TRAF1: variants seen among roughly 807,000 people sequenced by gnomAD.
TRAF1 encodes TNF receptor-associated factor 1.
A neutral mutation model predicts 40.9 loss-of-function variants in TRAF1; 23 were observed. The ratio of observed to expected loss-of-function variants is 0.56; its 90% confidence interval spans 0.40 to 0.80. TRAF1 has a LOEUF of 0.80. TRAF1 is among the 30% of genes least tolerant of loss of function. The probability of loss-of-function intolerance (pLI) is 0.00; values close to 1 mark genes in which losing one functional copy is unlikely to be tolerated. For synonymous variants in TRAF1, 206 were observed against 218.8 expected, an observed-to-expected ratio of 0.94 and a Z score of 0.52; for missense variants, 477 against 528.7, an observed-to-expected ratio of 0.90 and a Z score of 0.96.
At chr9:120,914,511 G>A (rs889473236) in intron 3 of TRAF1, 4 of 1,195,276 alleles carry the variant, frequency 3.3e-6, no homozygotes, top group Admixed American at 8.8e-5. Flanking sequence ...CCCTTACTGT[G>A]ATCCTGGGCA....
chr9:120,924,777 A>T (rs2046627927), intron 2 of TRAF1, among the ~76,000 whole-genome samples: 1 of 152,190 alleles, frequency 6.6e-6, no homozygotes, highest in Non-Finnish European at 1.5e-5. Flanking sequence ...GAGATAGTCT[A>T]TTTTACAAGT....
chr9:120,924,231 G>A (rs546077631), intron 2 of TRAF1, among the ~76,000 whole-genome samples: 24 of 152,186 alleles, frequency 1.6e-4, no homozygotes, highest in South Asian at 6.2e-4. Flanking sequence ...GACTATATTT[G>A]CTCTTCTCAT....
chr9:120,925,307 G>A lies in TRAF1; in HGVS notation c.140+629C>T, dbSNP rs117466835. Among the ~76,000 whole-genome samples, 224 of 152,336 alleles carry A rather than the reference G, an allele frequency of 1.5e-3. 6 individuals carry two copies. The East Asian group carries it at 0.034, about 23-fold the overall frequency. On this transcript the variant is annotated intron_variant, in intron 2 of 7. Transcript: ENST00000373887. ...TCTAAGTTGTGCTGAGGACCCAAGG[G>A]CAGAGCATTTGGCACACAGTAGGTG...
intron 3 of TRAF1, among the ~76,000 whole-genome samples, chr9:120,916,771 C>G (rs1471862248): frequency 1.3e-5 from 2 of 149,322 alleles, no homozygotes; most frequent in African/African-American, 2.5e-5. Context: ...GGAAGGCAGG[C>G]AGAGGGCGGC....
At chr9:120,921,168 C>G (rs775451258) in intron 3 of TRAF1, among the ~76,000 whole-genome samples, 11 of 152,124 alleles carry the variant, frequency 7.2e-5, no homozygotes, top group Non-Finnish European at 1.6e-4. Flanking sequence ...AGGCAGCTTC[C>G]TCTCCCATCC....
At chr9:120,905,886 C>T (rs1466085276) in intron 7 of TRAF1, among the ~76,000 whole-genome samples, 2 of 152,222 alleles carry the variant, frequency 1.3e-5, no homozygotes, top group African/African-American at 4.8e-5. Flanking sequence ...CCTCACCCTG[C>T]ACATTAGGAC....
intron 2 of TRAF1, 132 bp downstream of exon 2, chr9:120,925,804 G>A: frequency 7.7e-7 from 1 of 1,291,812 alleles, no homozygotes; most frequent in East Asian, 2.4e-5. Flanking sequence ...GTGAGAAAAG[G>A]GTGTGGAAAC....
At chr9:120,921,990 C>T (rs576753096) in intron 3 of TRAF1, among the ~76,000 whole-genome samples, 2 of 152,288 alleles carry the variant, frequency 1.3e-5, no homozygotes, top group Non-Finnish European at 2.9e-5. Flanking sequence ...GATACAGAAA[C>T]AGGGCCTGGG....
At chr9:120,914,603 G>T (rs1042047836) in intron 3 of TRAF1, 1 of 1,053,694 alleles carries the variant, frequency 9.5e-7, no homozygotes, top group Non-Finnish European at 1.1e-6. Flanking sequence ...GACTGGTCGG[G>T]GGGGCTCTGT....
At chr9:120,921,461 G>T (rs191655265) in intron 3 of TRAF1, among the ~76,000 whole-genome samples, 2 of 152,238 alleles carry the variant, frequency 1.3e-5, no homozygotes, top group Non-Finnish European at 2.9e-5. Flanking sequence ...CAATAAATGT[G>T]TATTAATTTT....
chr9:120,928,593 C>A (rs2046655551), upstream of TRAF1: 2 of 152,454 alleles, frequency 1.3e-5, no homozygotes, highest in Non-Finnish European at 1.5e-5. Context: ...CCTCCATCGG[C>A]TCCATCCACG....
In TRAF1 at chr9:120,926,101, G is replaced by T; in HGVS notation, c.-26C>A. On this transcript the variant is annotated 5_prime_UTR_variant, in exon 2 of 8. Coordinates refer to ENST00000373887, the MANE Select transcript of TRAF1 (RefSeq NM_005658.5). Reference sequence around the variant, plus strand: ...CTCAGGGTTCCAGGCTGGCCAGAGGGCCTGTTTAAGTTGCTCCAGGGCAGG... The same window carrying T: ...CTCAGGGTTCCAGGCTGGCCAGAGGTCCTGTTTAAGTTGCTCCAGGGCAGG... 6.5e-7 allele frequency: 1 copy of T among 1,535,868 alleles called. No individual in the cohort carries two copies. The highest frequency in any genetic ancestry group is 8.7e-7 in the Non-Finnish European group (1 of 1,143,880).
rs189335345 is a variant in TRAF1, at chr9:120,912,120, A to G, written c.706-607T>C. On this transcript the variant is annotated intron_variant, in intron 5 of 7. Transcript: ENST00000373887. ...GGTAGGGAAGCCATGAATGGAAGTG[A>G]GCATCCTTAAAGAAAATTTAATCGT... Among the ~76,000 whole-genome samples the G allele has an allele frequency of 2.4e-3, 360 of 152,316 alleles. 3 individuals are homozygous for G. The highest frequency in any genetic ancestry group is 7.5e-3 in the African/African-American group (313 of 41,558).
chr9:120,926,320 A>AT lies in TRAF1; in HGVS notation c.-226-20dup, dbSNP rs56675791. ...CTGAAGGCTTTAGGAGTGTCCAGTCATTTTTTTTTTTTTTTAGAGTGAGAA... is the reference window on the plus strand; with the variant it reads ...CTGAAGGCTTTAGGAGTGTCCAGTCATTTTTTTTTTTTTTTTAGAGTGAGAA... On this transcript the variant is annotated intron_variant, in intron 1 of 7. Coordinates refer to ENST00000373887, the MANE Select transcript of TRAF1 (RefSeq NM_005658.5). 0.047 allele frequency: 13,653 copies of AT among 291,168 alleles called. 74 individuals are homozygous for AT. Among genetic ancestry groups the AT allele is most frequent in the Middle Eastern group, 0.07 (76 of 1,080 alleles). The allele number at this position is 291,168 out of a possible 1,614,324, so 18.0% of individuals were successfully genotyped here.
intron 3 of TRAF1, among the ~76,000 whole-genome samples, chr9:120,919,907 T>C (rs2046593995): frequency 6.6e-6 from 1 of 152,188 alleles, no homozygotes; most frequent in Non-Finnish European, 1.5e-5. Flanking sequence ...TCAGGAGCCA[T>C]GGGTTAGAGC....
chr9:120,914,101 A>T (rs1421886248), intron 4 of TRAF1, 134 bp downstream of exon 4: 8 of 738,980 alleles, frequency 1.1e-5, no homozygotes, highest in Non-Finnish European at 1.6e-5. Flanking sequence ...GATGCTTGGG[A>T]AAGTCATTAG....
intron 3 of TRAF1, among the ~76,000 whole-genome samples, chr9:120,921,863 G>A (rs1288614865): frequency 1.3e-5 from 2 of 152,170 alleles, no homozygotes; most frequent in Non-Finnish European, 1.5e-5. Flanking sequence ...GTGGACACTC[G>A]CCTGCCTCTG....
chr9:120,905,452 C>T (rs2046473811), intron 7 of TRAF1, among the ~76,000 whole-genome samples: 1 of 152,254 alleles, frequency 6.6e-6, no homozygotes, highest in African/African-American at 2.4e-5. Flanking sequence ...ATTCTGAGTG[C>T]ACTTCAGGGG....
At chr9:120,927,674 CAT>C (rs2046649676), upstream of TRAF1, 1 of 152,092 alleles carries the variant, frequency 6.6e-6, no homozygotes, top group Non-Finnish European at 1.5e-5. Context: ...GCCTGAGATA[CAT>C]TAAACTGCCC....
Sources: gnomAD v4.1 joint callset for allele counts (sites outside exome capture counted in the v4.1 genomes callset) on GRCh38, gnomAD v4.1.1 for gene constraint, MANE v1.5 for transcripts, NCBI Gene and HGNC (gene_info 2026-07-23, HGNC 2026-07-21) for gene names.